AKAP12: variants seen among roughly 807,000 people sequenced by gnomAD.
AKAP12 encodes the protein A-kinase anchor protein 12.
In AKAP12, 32 loss-of-function variants were observed where a neutral mutation model predicts 79.9. The observed-to-expected ratio is 0.40, with a 90% CI of 0.30 to 0.54. The LOEUF is 0.54. AKAP12 is among the 20% of genes least tolerant of loss of function. The pLI, the probability that AKAP12 is intolerant of heterozygous loss-of-function variation, is 0.48. For synonymous variants in AKAP12, 808 were observed against 857.0 expected (o/e 0.94, Z 1.00); for missense variants, 2,074 against 2,177.0 (o/e 0.95, Z 0.94).
At chr6:151,340,701 C>T (rs1318749579) in intron 3 of AKAP12, among the ~76,000 whole-genome samples, 3 of 151,434 alleles carry the variant, frequency 2.0e-5, no homozygotes, top group African/African-American at 7.2e-5. Context: ...TCTTTACAAC[C>T]AAGCCAAACC....
chr6:151,249,713 C>T (rs1024720739), intron 2 of AKAP12, among the ~76,000 whole-genome samples: 19 of 152,256 alleles, frequency 1.2e-4, no homozygotes, highest in Admixed American at 3.9e-4. Context: ...ACTCAAGTTT[C>T]CATATATGCA....
intron 3 of AKAP12, chr6:151,343,931 C>T (rs1184178334): frequency 4.4e-6 from 2 of 456,418 alleles, no homozygotes; most frequent in Non-Finnish European, 8.3e-6. Context: ...GAATACTATA[C>T]ATGCTTTAAA....
intron 2 of AKAP12, among the ~76,000 whole-genome samples, chr6:151,301,140 T>G (rs936504928): frequency 2.0e-5 from 3 of 152,202 alleles, no homozygotes; most frequent in African/African-American, 7.2e-5. Context: ...GAATCCCATC[T>G]GGTTCCACCG....
At chr6:151,354,476 C>T (rs1291222199) in intron 4 of AKAP12, among the ~76,000 whole-genome samples, 2 of 152,128 alleles carry the variant, frequency 1.3e-5, no homozygotes, top group East Asian at 3.9e-4. Context: ...CAGGTTCACG[C>T]CATTCTCCTG....
intron 2 of AKAP12, among the ~76,000 whole-genome samples, chr6:151,302,361 T>A (rs1776881213): frequency 6.6e-6 from 1 of 152,132 alleles, no homozygotes; most frequent in African/African-American, 2.4e-5. Context: ...GGTCTCTCTA[T>A]GTTGTCCAGG....
chr6:151,305,712 G>C, intron 2 of AKAP12, 35 bp from the exon 3 acceptor site: 2 of 1,581,858 alleles, frequency 1.3e-6, no homozygotes, highest in Non-Finnish European at 1.7e-6. Context: ...CATGAGGACT[G>C]AAATTAAGTT....
chr6:151,307,200 G>C (rs1582870718), intron 3 of AKAP12, among the ~76,000 whole-genome samples: 1 of 152,152 alleles, frequency 6.6e-6, no homozygotes, highest in African/African-American at 2.4e-5. Flanking sequence ...TTTATTATAG[G>C]GCCCAGAGAG....
intron 2 of AKAP12, among the ~76,000 whole-genome samples, chr6:151,287,248 T>C (rs939274588): frequency 1.3e-5 from 2 of 151,902 alleles, no homozygotes; most frequent in African/African-American, 4.8e-5. Flanking sequence ...CTATTTTCTT[T>C]TTTTTATTTT....
chr6:151,353,340 C>T lies in AKAP12; in HGVS notation c.4949C>T (p.Thr1650Ile). 1.9e-6 allele frequency: 3 copies of T among 1,614,188 alleles called. No homozygotes were observed. The highest frequency in any genetic ancestry group is 2.2e-5 in the South Asian group (2 of 91,082). Residue 1650 changes from threonine (T) to isoleucine (I), a missense_variant, in exon 4 of 5, where the codon ACT (threonine) becomes ATT (isoleucine). Thr to Ile is a moderately conservative substitution (Grantham distance 89). Transcript: ENST00000402676. Reference protein sequence around the residue: ...KTMTVEVEGSTVNDQQLEEVV... With the variant: ...KTMTVEVEGSIVNDQQLEEVV... ...ATGACTGTTGAGGTAGAAGGTTCCA[C>T]TGTAAATGATCAGCAGCTGGAAGAG...
At chr6:151,341,832 G>A (rs1328846286) in intron 3 of AKAP12, 30 of 1,276,392 alleles carry the variant, frequency 2.4e-5, no homozygotes, top group South Asian at 7.5e-5. Flanking sequence ...CCCAGGCTTG[G>A]GAAAGCCTCT....
At position 151,349,133 on chromosome 6, in the gene AKAP12, A is replaced by G; in HGVS notation, c.742A>G (p.Ser248Gly). ...CGAAGAGACCCTGAAGCGTGAGCAA[A>G]GCCACGCAGAAATTTCTCCCCCAGC... ...KPEETLKREQ[S>G]HAEISPPAES... The change falls in exon 4 of 5, where the codon AGC (serine) becomes GGC (glycine). Residue 248 changes from serine (S) to glycine (G), a missense_variant. By Grantham distance (56) the Ser-to-Gly change is moderately conservative. This residue lies in a region of AKAP12 where 1,428 missense variants were observed against 1,451.0 expected (regional missense o/e 0.98). Transcript: ENST00000402676. 1 of 1,613,868 alleles carries G rather than the reference A, an allele frequency of 6.2e-7. No homozygotes were observed. Among genetic ancestry groups the G allele is most frequent in the Non-Finnish European group, 8.5e-7 (1 of 1,180,020 alleles).
At chr6:151,288,676 T>C (rs62441532) in intron 2 of AKAP12, among the ~76,000 whole-genome samples, 20,215 of 152,184 alleles carry the variant, frequency 0.13, 1,924 homozygotes, top group Admixed American at 0.31. Context: ...CTGAACTGCC[T>C]GTCACTCTTC....
At chr6:151,242,075 T>C (rs1418851830) in intron 2 of AKAP12, among the ~76,000 whole-genome samples, 4 of 152,194 alleles carry the variant, frequency 2.6e-5, no homozygotes, top group Admixed American at 2.6e-4. Context: ...CTTTTGAGAT[T>C]CAAGTCGCAT....
chr6:151,288,466 C>T (rs1008302668), intron 2 of AKAP12, among the ~76,000 whole-genome samples: 5 of 152,100 alleles, frequency 3.3e-5, no homozygotes, highest in East Asian at 3.9e-4. Flanking sequence ...GAGCTGAGAT[C>T]GCGCCGCTGT....
intron 2 of AKAP12, among the ~76,000 whole-genome samples, chr6:151,282,325 G>T (rs1776426507): frequency 6.6e-6 from 1 of 151,854 alleles, no homozygotes; most frequent in Non-Finnish European, 1.5e-5. Flanking sequence ...GGCCAGGCTG[G>T]TCTTGATTTC....
At position 151,240,728 on chromosome 6, in the gene AKAP12, C is replaced by G; in HGVS notation, c.162+4C>G. The stretch of plus-strand genomic sequence containing the variant: ...TGCCTCGGACCCCGCCACCAAGGTA[C>G]GGGCGTGCCGGGCCACCTGCGCCGG... On this transcript the variant is annotated splice_donor_region_variant and intron_variant, in intron 2 of 4. Coordinates refer to ENST00000402676, the MANE Select transcript of AKAP12 (RefSeq NM_005100.4). 2.9e-6 allele frequency: 3 copies of G among 1,039,320 alleles called. No homozygotes were observed. Among genetic ancestry groups the G allele is most frequent in the Non-Finnish European group, 3.5e-6 (3 of 867,906 alleles). 64.4% of individuals were successfully genotyped at this position (1,039,320 alleles called of 1,614,324 possible).
At chr6:151,324,822 A>G in intron 3 of AKAP12, 1 of 985,452 alleles carries the variant, frequency 1.0e-6, no homozygotes, top group Non-Finnish European at 1.2e-6. Context: ...TGTCTTTACA[A>G]AGAACAAACC....
intron 3 of AKAP12, chr6:151,348,447 T>C: frequency 1.8e-6 from 1 of 556,872 alleles, no homozygotes; most frequent in Admixed American, 2.3e-5. Context: ...GAGAGCAGCC[T>C]GGACAACATA....
chr6:151,273,251 C>T (rs1386489395), intron 2 of AKAP12, among the ~76,000 whole-genome samples: 5 of 152,176 alleles, frequency 3.3e-5, no homozygotes, highest in South Asian at 2.1e-4. Context: ...GTGATGCTGT[C>T]GTGATGGTGC....
Sources: allele counts gnomAD v4.1 joint callset (sites outside exome capture counted in the v4.1 genomes callset), GRCh38; gene constraint gnomAD v4.1.1; regional missense constraint gnomAD v4.1.1; transcripts MANE v1.5; gene names NCBI Gene and HGNC (gene_info 2026-07-23, HGNC 2026-07-21).